KCNMB2: variants seen among roughly 807,000 people sequenced by gnomAD.
KCNMB2 encodes calcium-activated potassium channel subunit beta-2.
KCNMB2 carries 9 observed loss-of-function variants against 24.5 expected under a neutral mutation model. The ratio of observed to expected loss-of-function variants is 0.37; its 90% CI spans 0.22 to 0.64. KCNMB2 has a LOEUF of 0.64. KCNMB2 is among the 30% of genes least tolerant of loss of function. KCNMB2 has a pLI of 0.63. For missense variants in KCNMB2, 226 were observed against 284.3 expected (o/e 0.79, Z 1.47); for synonymous variants, 109 against 104.4 (o/e 1.04, Z -0.27).
intron 1 of KCNMB2, among the ~76,000 whole-genome samples, chr3:178,584,420 T>TCTCC (rs1292753972): frequency 9.2e-5 from 14 of 151,678 alleles, no homozygotes; most frequent in South Asian, 2.1e-4. Flanking sequence ...GCAGGTGCTG[T>TCTCC]CTCCCTCCCT....
intron 1 of KCNMB2, among the ~76,000 whole-genome samples, chr3:178,561,474 G>A (rs1205873137): frequency 6.6e-5 from 10 of 152,138 alleles, no homozygotes; most frequent in Non-Finnish European, 1.2e-4. Flanking sequence ...AAACTAAATG[G>A]CTCTACGACT....
In KCNMB2 at chr3:178,759,669, T is replaced by TATATAC. The variant is rs1560009443; in HGVS notation, c.-67-47669_-67-47668insCATATA. Among the ~76,000 whole-genome samples the TATATAC allele has an allele frequency of 1.7e-4, 18 of 103,796 alleles. 2 individuals are homozygous for TATATAC. The highest frequency in any genetic ancestry group is 5.5e-4 in the African/African-American group (16 of 29,268). The allele number at this position is 103,796 out of a possible 152,430, so 68.1% of individuals were successfully genotyped here. ...TATATATATCTCCAAGAGGGATATA[T>TATATAC]ATATATATATCCAAGAGGATATATA... On this transcript the variant is annotated intron_variant, in intron 1 of 4. Coordinates refer to ENST00000452583, the MANE Select transcript of KCNMB2 (RefSeq NM_181361.3).
intron 1 of KCNMB2, among the ~76,000 whole-genome samples, chr3:178,705,132 A>G (rs1217277129): frequency 6.6e-6 from 1 of 152,056 alleles, no homozygotes; most frequent in East Asian, 1.9e-4. Context: ...TCAAGCTGGT[A>G]GCCTAAACCA....
chr3:178,593,807 G>T (rs887438139), intron 1 of KCNMB2, among the ~76,000 whole-genome samples: 3 of 150,122 alleles, frequency 2.0e-5, no homozygotes, highest in Non-Finnish European at 4.4e-5. Flanking sequence ...TTCTTAAAAT[G>T]CAAGTCTGAT....
At chr3:178,698,330 T>C (rs994416177) in intron 1 of KCNMB2, among the ~76,000 whole-genome samples, 2 of 142,334 alleles carry the variant, frequency 1.4e-5, no homozygotes, top group African/African-American at 5.6e-5. Context: ...TTCATTCTCT[T>C]TTCTCTATTC....
intron 2 of KCNMB2, among the ~76,000 whole-genome samples, chr3:178,810,902 CTTTTTTTTT>C (rs56925343): frequency 1.9e-5 from 2 of 107,990 alleles, no homozygotes; most frequent in African/African-American, 7.5e-5. Flanking sequence ...ACCTGGCTAA[CTTTTTTTTT>C]TTTTTTTTTT....
At chr3:178,694,006 G>C (rs1483965735) in intron 1 of KCNMB2, among the ~76,000 whole-genome samples, 1 of 151,418 alleles carries the variant, frequency 6.6e-6, no homozygotes, top group African/African-American at 2.4e-5. Flanking sequence ...GTGTGTATTA[G>C]TCTCTTCTCA....
chr3:178,746,226 A>G (rs1385498149), intron 1 of KCNMB2, among the ~76,000 whole-genome samples: 1 of 152,172 alleles, frequency 6.6e-6, no homozygotes, highest in African/African-American at 2.4e-5. Flanking sequence ...CCAAACCCCA[A>G]TTCTTGACTT....
At chr3:178,773,027 T>A (rs913223611) in intron 1 of KCNMB2, among the ~76,000 whole-genome samples, 1 of 152,078 alleles carries the variant, frequency 6.6e-6, no homozygotes, top group Non-Finnish European at 1.5e-5. Flanking sequence ...AAAGAAGTTA[T>A]CTATTACTTT....
chr3:178,729,739 CA>C lies in KCNMB2; in HGVS notation c.-67-77601del, dbSNP rs200836889. ...TTGTTAATTGTATGTATGTATGAAGCAAATGGTCTTTGAATAGTTGTCTTTC... is the reference window on the plus strand; with the variant it reads ...TTGTTAATTGTATGTATGTATGAAGCAATGGTCTTTGAATAGTTGTCTTTC... On this transcript the variant is annotated intron_variant, in intron 1 of 4. Coordinates refer to ENST00000452583, the MANE Select transcript of KCNMB2 (RefSeq NM_181361.3). 7.8e-3 allele frequency among the ~76,000 whole-genome samples: 1,191 copies of C among 152,290 alleles called. 14 individuals are homozygous for C. Among genetic ancestry groups the C allele is most frequent in the African/African-American group, 0.028 (1,158 of 41,556 alleles).
intron 1 of KCNMB2, among the ~76,000 whole-genome samples, chr3:178,760,875 G>A (rs1160791816): frequency 6.6e-6 from 1 of 150,518 alleles, no homozygotes; most frequent in African/African-American, 2.4e-5. Flanking sequence ...GATTATAGAA[G>A]ATATTTAGGG....
chr3:178,760,815 G>A (rs1711830863), intron 1 of KCNMB2, among the ~76,000 whole-genome samples: 1 of 151,910 alleles, frequency 6.6e-6, no homozygotes, highest in Non-Finnish European at 1.5e-5. Context: ...TTAGAGACAA[G>A]TAACAAATAG....
At chr3:178,568,459 T>G (rs1716604098) in intron 1 of KCNMB2, among the ~76,000 whole-genome samples, 1 of 152,180 alleles carries the variant, frequency 6.6e-6, no homozygotes, top group African/African-American at 2.4e-5. Flanking sequence ...GATTACACAT[T>G]CATAAATGCC....
chr3:178,690,223 T>C (rs1187228687), intron 1 of KCNMB2, among the ~76,000 whole-genome samples: 3 of 152,192 alleles, frequency 2.0e-5, no homozygotes, highest in Non-Finnish European at 4.4e-5. Flanking sequence ...TGGTGACTAT[T>C]TGACTTTTAG....
At chr3:178,663,466 C>G (rs1720609149) in intron 1 of KCNMB2, among the ~76,000 whole-genome samples, 1 of 152,112 alleles carries the variant, frequency 6.6e-6, no homozygotes, top group Non-Finnish European at 1.5e-5. Flanking sequence ...GTCGGTTTCT[C>G]TTTTAACTCT....
intron 1 of KCNMB2, among the ~76,000 whole-genome samples, chr3:178,730,408 C>G (rs981139699): frequency 5.1e-5 from 7 of 135,982 alleles, no homozygotes; most frequent in African/African-American, 1.7e-4. Context: ...CCCCAACACC[C>G]CCCCACACAC....
intron 2 of KCNMB2, among the ~76,000 whole-genome samples, chr3:178,819,508 TC>T (rs1195443112): frequency 6.6e-6 from 1 of 151,554 alleles, no homozygotes; most frequent in East Asian, 1.9e-4. Context: ...TGTCCCCTGT[TC>T]CCCCCACCCC....
At position 178,778,458 on chromosome 3, in the gene KCNMB2, A is replaced by ACACACGCACGCACGTGCGCGCGCGCG. The variant is rs1194364274; in HGVS notation, c.-67-28880_-67-28879insGCACGCACGTGCGCGCGCGCGCACAC. ...ATGCCTGATTTCTACCCTTTAAGACACACACACACACACACACACACACAC... is the reference window on the plus strand; with the variant it reads ...ATGCCTGATTTCTACCCTTTAAGACACACACGCACGCACGTGCGCGCGCGCGCACACACACACACACACACACACAC... On this transcript the variant is annotated intron_variant, in intron 1 of 4. Transcript: ENST00000452583. Among the ~76,000 whole-genome samples, 9 of 37,048 alleles carry ACACACGCACGCACGTGCGCGCGCGCG rather than the reference A, an allele frequency of 2.4e-4. 1 individual carries two copies. Among genetic ancestry groups the ACACACGCACGCACGTGCGCGCGCGCG allele is most frequent in the African/African-American group, 2.3e-3 (9 of 3,902 alleles). The allele number at this position is 37,048 out of a possible 152,430, so 24.3% of individuals were successfully genotyped here.
At chr3:178,813,721 C>T (rs1012304288) in intron 2 of KCNMB2, among the ~76,000 whole-genome samples, 1 of 152,102 alleles carries the variant, frequency 6.6e-6, no homozygotes, top group Admixed American at 6.5e-5. Context: ...CTTTTTAACT[C>T]ATCATTTGTT....
Sources: allele counts gnomAD v4.1 joint callset (sites outside exome capture counted in the v4.1 genomes callset), GRCh38; gene constraint gnomAD v4.1.1; transcripts MANE v1.5; gene names NCBI Gene and HGNC (gene_info 2026-07-23, HGNC 2026-07-21).